The following CHRM3 variants were observed in gnomAD, a reference collection of about 807,000 sequenced individuals.
CHRM3 encodes the protein muscarinic acetylcholine receptor M3.
Under a neutral mutation model 41.8 loss-of-function variants are expected in CHRM3, and 11 were observed. The ratio of observed to expected loss-of-function variants is 0.26; its 90% confidence interval spans 0.17 to 0.44. The LOEUF (loss-of-function observed/expected upper bound fraction) is 0.44. Among genes scored for constraint, CHRM3 ranks in the 20% least tolerant of loss-of-function variants. The pLI is 1.00. For synonymous variants in CHRM3, 297 were observed against 301.4 expected (o/e 0.99, Z 0.15); for missense variants, 571 against 745.4 (o/e 0.77, Z 2.72).
At chr1:239,415,553 A>C (rs1661428193) in intron 1 of CHRM3, among the ~76,000 whole-genome samples, 1 of 152,228 alleles carries the variant, frequency 6.6e-6, no homozygotes, top group Non-Finnish European at 1.5e-5. Flanking sequence ...ACTTGAGGAA[A>C]ATATAAAGTT....
intron 6 of CHRM3, among the ~76,000 whole-genome samples, chr1:239,856,637 G>A (rs1675145202): frequency 6.6e-6 from 1 of 152,114 alleles, no homozygotes. Flanking sequence ...AATACAGATG[G>A]TATGAGATCG....
rs138360737 is a variant in CHRM3, at chr1:239,502,260, G to A, written c.-422+9453G>A. 3.3e-3 allele frequency among the ~76,000 whole-genome samples: 502 copies of A among 152,056 alleles called. 3 individuals carry two copies. Among genetic ancestry groups the A allele is most frequent in the African/African-American group, 0.012 (480 of 41,470 alleles). On this transcript the variant is annotated intron_variant, in intron 2 of 6. Coordinates refer to ENST00000676153, the MANE Select transcript of CHRM3 (RefSeq NM_001375978.1). ...AAATGAAACAGGAAATATTACAACC[G>A]ACACCACAGAAATACAAAGCATCAA... is the stretch of plus-strand genomic sequence containing the variant.
intron 2 of CHRM3, among the ~76,000 whole-genome samples, chr1:239,530,350 AT>A (rs1558293967): frequency 2.0e-5 from 3 of 152,180 alleles, no homozygotes; most frequent in Admixed American, 6.5e-5. Flanking sequence ...AATATGATAT[AT>A]TTTTAACTAT....
chr1:239,517,428 A>C (rs1418401696), intron 2 of CHRM3, among the ~76,000 whole-genome samples: 1 of 152,224 alleles, frequency 6.6e-6, no homozygotes, highest in Admixed American at 6.5e-5. Context: ...GACTTCTCAA[A>C]CCTCACTTTC....
At chr1:239,890,675 A>C (rs956288937) in intron 6 of CHRM3, among the ~76,000 whole-genome samples, 2 of 152,212 alleles carry the variant, frequency 1.3e-5, no homozygotes, top group African/African-American at 4.8e-5. Flanking sequence ...ACAATTCAGC[A>C]ACATTCATAG....
chr1:239,611,679 A>G (rs1221774486), intron 3 of CHRM3, among the ~76,000 whole-genome samples: 1 of 152,150 alleles, frequency 6.6e-6, no homozygotes, highest in Admixed American at 6.5e-5. Context: ...TTGGCCTCCC[A>G]AAGTGCTGGG....
At chr1:239,574,232 C>G (rs1662115011) in intron 3 of CHRM3, among the ~76,000 whole-genome samples, 1 of 152,156 alleles carries the variant, frequency 6.6e-6, no homozygotes, top group Non-Finnish European at 1.5e-5. Context: ...TACTCAGATC[C>G]CTGCATTGTT....
rs1658588739 is a variant in CHRM3, at chr1:239,387,257, G to A, written c.-521+30G>A. 1 of 151,978 alleles carries A rather than the reference G, an allele frequency of 6.6e-6. No individual in the cohort carries two copies. Among genetic ancestry groups the A allele is most frequent in the Non-Finnish European group, 1.5e-5 (1 of 68,024 alleles). 9.4% of individuals were successfully genotyped at this position (151,978 alleles called of 1,614,324 possible). ...GGACGGCGCCCGCCACCCAGGCGCTGGGCAGAGCGGGTGGCGGTAGCGGCT... is the reference window on the plus strand; with the variant it reads ...GGACGGCGCCCGCCACCCAGGCGCTAGGCAGAGCGGGTGGCGGTAGCGGCT... On this transcript the variant is annotated intron_variant, in intron 1 of 6. Coordinates refer to ENST00000676153, the MANE Select transcript of CHRM3 (RefSeq NM_001375978.1). The surrounding 1 kb of genome is among the most constrained non-coding windows in gnomAD (Gnocchi z 5.1).
At chr1:239,395,592 AT>A (rs1659412139) in intron 1 of CHRM3, among the ~76,000 whole-genome samples, 1 of 152,192 alleles carries the variant, frequency 6.6e-6, no homozygotes, top group Non-Finnish European at 1.5e-5. Context: ...TTAAATGTGC[AT>A]TCAGATCACA....
chr1:239,406,995 T>C (rs1558198405), intron 1 of CHRM3, among the ~76,000 whole-genome samples: 1 of 152,076 alleles, frequency 6.6e-6, no homozygotes, highest in Non-Finnish European at 1.5e-5. Flanking sequence ...AGAGATACTT[T>C]AAAGGACCAG....
chr1:239,611,534 C>T (rs564789788), intron 3 of CHRM3, among the ~76,000 whole-genome samples: 1 of 151,734 alleles, frequency 6.6e-6, no homozygotes, highest in South Asian at 2.1e-4. Flanking sequence ...GATTCTCCCG[C>T]CTCCACCTCC....
chr1:239,911,275 T>C lies in CHRM3; in HGVS notation c.*2051T>C, dbSNP rs1023479501. The C allele has an allele frequency of 6.0e-6, 1 of 166,510 alleles. No individual in the cohort carries two copies. The highest frequency in any genetic ancestry group is 2.4e-5 in the African/African-American group (1 of 41,254). 10.3% of individuals were successfully genotyped at this position (166,510 alleles called of 1,614,324 possible). A position where few individuals can be genotyped will look rare whatever the true frequency, so the allele number is the denominator to read the frequency against. ...CAGGGAAAAAAAAAAACAATCAGCA[T>C]AATTGTAAGAATGATTTTTTTGGGC... On this transcript the variant is annotated 3_prime_UTR_variant, in exon 7 of 7. Transcript: ENST00000676153.
At chr1:239,866,542 G>A (rs1182473124) in intron 6 of CHRM3, among the ~76,000 whole-genome samples, 6 of 152,124 alleles carry the variant, frequency 3.9e-5, no homozygotes, top group African/African-American at 1.2e-4. Context: ...TAGGATTGTA[G>A]CCATGGAAAT....
At chr1:239,854,853 G>T (rs1342933862) in intron 6 of CHRM3, among the ~76,000 whole-genome samples, 1 of 152,084 alleles carries the variant, frequency 6.6e-6, no homozygotes, top group African/African-American at 2.4e-5. Flanking sequence ...AAATTCAAAA[G>T]AATTCAGATA....
intron 5 of CHRM3, among the ~76,000 whole-genome samples, chr1:239,711,458 A>G (rs567300144): frequency 1.5e-4 from 23 of 152,224 alleles, no homozygotes; most frequent in African/African-American, 5.5e-4. Context: ...TTAATAAATC[A>G]GTAATCATTA....
intron 3 of CHRM3, among the ~76,000 whole-genome samples, chr1:239,622,139 C>A: frequency 6.6e-6 from 1 of 152,026 alleles, no homozygotes; most frequent in East Asian, 1.9e-4. Flanking sequence ...ATATTTTAAG[C>A]CTACTGTTGA....
intron 6 of CHRM3, among the ~76,000 whole-genome samples, chr1:239,863,161 A>G (rs547555578): frequency 2.6e-5 from 4 of 152,196 alleles, no homozygotes; most frequent in African/African-American, 9.6e-5. Context: ...CTAATGGGTA[A>G]CTCATATTGC....
chr1:239,849,897 G>A (rs1368892055), intron 6 of CHRM3, among the ~76,000 whole-genome samples: 1 of 152,098 alleles, frequency 6.6e-6, no homozygotes, highest in East Asian at 1.9e-4. Flanking sequence ...CAGATAAAAC[G>A]GGTATCCTCA....
intron 3 of CHRM3, among the ~76,000 whole-genome samples, chr1:239,615,664 A>C (rs991643464): frequency 6.6e-6 from 1 of 152,214 alleles, no homozygotes; most frequent in Non-Finnish European, 1.5e-5. Flanking sequence ...TCAATAATCC[A>C]GTGATCTCCA....
Sources: gnomAD v4.1 joint callset for allele counts (sites outside exome capture counted in the v4.1 genomes callset) on GRCh38, gnomAD v4.1.1 for gene constraint, Gnocchi (gnomAD v3.1) non-coding constraint, MANE v1.5 for transcripts, NCBI Gene and HGNC (gene_info 2026-07-23, HGNC 2026-07-21) for gene names.